MTA3: variants seen among roughly 807,000 people sequenced by gnomAD.
MTA3 encodes metastasis associated 1 family member 3.
A neutral mutation model predicts 83.5 loss-of-function variants in MTA3; 34 were observed. The observed-to-expected ratio is 0.41, with a 90% CI of 0.31 to 0.54. The LOEUF is 0.54. Ranked by LOEUF, MTA3 falls within the 20% of genes least tolerant of loss-of-function variation. MTA3 has a pLI of 0.33. For missense variants in MTA3, 761 were observed against 726.4 expected (o/e 1.05, Z -0.55); for synonymous variants, 303 against 252.7 (o/e 1.20, Z -1.89).
rs116465730 is a variant in MTA3 at position 42,724,883 on chromosome 2, C to T, written c.1759+1848C>T. Among the ~76,000 whole-genome samples the T allele has an allele frequency of 5.5e-3, 833 of 152,348 alleles. 6 individuals are homozygous for T. Among genetic ancestry groups the T allele is most frequent in the African/African-American group, 0.018 (755 of 41,578 alleles). ...TTCCCTCTGAATGAATGCTGCCACA[C>T]GGTCATTGCTTCTCTGCTCTGAACA... On this transcript the variant is annotated intron_variant, in intron 16 of 16. Coordinates refer to ENST00000405094, the MANE Select transcript of MTA3 (RefSeq NM_001330442.2).
At chr2:42,620,140 A>G (rs1413187285) in intron 4 of MTA3, among the ~76,000 whole-genome samples, 2 of 126,258 alleles carry the variant, frequency 1.6e-5, no homozygotes, top group Non-Finnish European at 3.3e-5. Flanking sequence ...TTTTTTTTTT[A>G]AAGAGTCTTG....
chr2:42,670,708 T>C (rs527338552), intron 8 of MTA3, among the ~76,000 whole-genome samples: 4 of 151,270 alleles, frequency 2.6e-5, no homozygotes, highest in African/African-American at 9.7e-5. Context: ...GTGCGAGAGC[T>C]CAGTCCAAAA....
chr2:42,640,982 C>T (rs1476787429), intron 5 of MTA3, among the ~76,000 whole-genome samples: 1 of 152,194 alleles, frequency 6.6e-6, no homozygotes, highest in East Asian at 1.9e-4. Context: ...TCTTGACCCA[C>T]TGCAACCTCC....
At chr2:42,599,915 G>A (rs1302229706) in intron 3 of MTA3, among the ~76,000 whole-genome samples, 3 of 151,892 alleles carry the variant, frequency 2.0e-5, no homozygotes, top group African/African-American at 7.3e-5. Context: ...CTTGCTTATG[G>A]GCCAGGCATG....
chr2:42,684,994 A>G (rs1692240363), intron 9 of MTA3, among the ~76,000 whole-genome samples: 1 of 152,250 alleles, frequency 6.6e-6, no homozygotes, highest in Admixed American at 6.5e-5. Context: ...AAGAGGCTTC[A>G]TGGAGTTAAC....
intron 2 of MTA3, among the ~76,000 whole-genome samples, chr2:42,512,665 G>A (rs1674958177): frequency 6.6e-6 from 1 of 152,086 alleles, no homozygotes; most frequent in Non-Finnish European, 1.5e-5. Flanking sequence ...TTCCTTTGAT[G>A]ATGCCAAGAA....
intron 2 of MTA3, among the ~76,000 whole-genome samples, chr2:42,538,179 G>A (rs1676340520): frequency 6.6e-6 from 1 of 152,242 alleles, no homozygotes; most frequent in Admixed American, 6.6e-5. Flanking sequence ...CTTGCAGTGA[G>A]CTGAGATCAC....
At chr2:42,568,899 C>T in intron 1 of MTA3, 126 bp downstream of exon 1, 1 of 969,374 alleles carries the variant, frequency 1.0e-6, no homozygotes, top group Non-Finnish European at 1.3e-6. Flanking sequence ...GGCTGGGGCG[C>T]CGGGGCCCGC....
intron 4 of MTA3, among the ~76,000 whole-genome samples, chr2:42,635,325 A>G (rs1015642562): frequency 6.6e-5 from 10 of 152,208 alleles, no homozygotes; most frequent in African/African-American, 2.4e-4. Context: ...ATACAAAGAA[A>G]TATTAAGAAT....
intron 6 of MTA3, among the ~76,000 whole-genome samples, chr2:42,648,163 A>G (rs1195755186): frequency 6.6e-6 from 1 of 151,898 alleles, no homozygotes; most frequent in Non-Finnish European, 1.5e-5. Flanking sequence ...TCTAATGACT[A>G]TTTTTTTAGG....
At chr2:42,559,402 T>C (rs1677554365) in intron 2 of MTA3, among the ~76,000 whole-genome samples, 1 of 150,474 alleles carries the variant, frequency 6.6e-6, no homozygotes, top group African/African-American at 2.5e-5. Flanking sequence ...CTCTGGAGGC[T>C]GAGATGGGAG....
chr2:42,573,446 A>G (rs1191371191), intron 2 of MTA3, among the ~76,000 whole-genome samples: 2 of 152,146 alleles, frequency 1.3e-5, no homozygotes, highest in East Asian at 1.9e-4. Context: ...CCTGGACTCA[A>G]AGCAGTCCTC....
intron 6 of MTA3, among the ~76,000 whole-genome samples, chr2:42,645,858 C>G (rs943710835): frequency 2.0e-5 from 3 of 152,222 alleles, no homozygotes; most frequent in Non-Finnish European, 2.9e-5. Context: ...GCTAAGGTCA[C>G]TGATGAAGGC....
intron 5 of MTA3, among the ~76,000 whole-genome samples, chr2:42,643,699 G>T (rs1687907629): frequency 6.6e-6 from 1 of 152,162 alleles, no homozygotes; most frequent in African/African-American, 2.4e-5. Context: ...ACTAAAAGCT[G>T]GGATGGACAT....
Position 42,660,223 on chromosome 2 carries a change from G to C in MTA3, c.702+361G>C, listed in dbSNP as rs375579008. Among the ~76,000 whole-genome samples the C allele has an allele frequency of 1.3e-4, 20 of 152,152 alleles. No homozygotes were observed. In the East Asian group the frequency reaches 3.5e-3, roughly 26 times the overall value. On this transcript the variant is annotated intron_variant, in intron 8 of 16. Transcript: ENST00000405094. ...CGTGCCTCAGCCTCCTGAGTAGTTGGGATTACAGGCACGTGCCACCACACC... is the reference window on the plus strand; with the variant it reads ...CGTGCCTCAGCCTCCTGAGTAGTTGCGATTACAGGCACGTGCCACCACACC...
chr2:42,708,317 G>A (rs1558605583), intron 13 of MTA3, among the ~76,000 whole-genome samples: 1 of 152,204 alleles, frequency 6.6e-6, no homozygotes, highest in African/African-American at 2.4e-5. Context: ...CAAATTAAAT[G>A]TTTAATTGCT....
At chr2:42,528,286 T>G (rs1675809259) in intron 2 of MTA3, among the ~76,000 whole-genome samples, 1 of 148,588 alleles carries the variant, frequency 6.7e-6, no homozygotes, top group South Asian at 2.1e-4. Flanking sequence ...GGTGGCGTGA[T>G]CTCGGCTCCT....
intron 16 of MTA3, among the ~76,000 whole-genome samples, chr2:42,734,589 T>A (rs1043322764): frequency 3.3e-5 from 5 of 151,800 alleles, no homozygotes; most frequent in South Asian, 4.2e-4. Context: ...CTGCCATTTT[T>A]AAAATTTGTT....
intron 4 of MTA3, among the ~76,000 whole-genome samples, chr2:42,620,527 C>T (rs1055500079): frequency 6.6e-6 from 1 of 152,164 alleles, no homozygotes. Context: ...GGGTCTCGCT[C>T]TGTTGCTCAG....
Sources: gnomAD v4.1 joint callset for allele counts (sites outside exome capture counted in the v4.1 genomes callset) on GRCh38, gnomAD v4.1.1 for gene constraint, MANE v1.5 for transcripts, NCBI Gene and HGNC (gene_info 2026-07-23, HGNC 2026-07-21) for gene names.